C1QTNF12: variants seen among roughly 807,000 people sequenced by gnomAD.
C1QTNF12 encodes adipolin.
C1QTNF12 carries 39 observed loss-of-function variants against 34.3 expected under a neutral mutation model. The observed-to-expected ratio is 1.14, with a 90% CI of 0.88 to 1.49. The LOEUF (loss-of-function observed/expected upper bound fraction) is 1.49, where lower values mean the gene tolerates loss of function less well. Among genes scored for constraint, C1QTNF12 ranks in the 40% most tolerant of loss-of-function variants. The pLI is 0.00. For synonymous variants in C1QTNF12, 220 were observed against 196.9 expected (o/e 1.12, Z -0.98); for missense variants, 497 against 424.7 (o/e 1.17, Z -1.50).
rs201061850 is a variant in C1QTNF12 at position 1,244,436 on chromosome 1, C to G, written c.239G>C (p.Arg80Pro). The change falls in exon 2 of 8, where the codon CGG becomes CCG. Residue 80 changes from arginine to proline, a missense_variant. Physicochemically the swap from Arg to Pro is moderately radical, Grantham distance 103. Coordinates refer to ENST00000330388, the MANE Select transcript of C1QTNF12 (RefSeq NM_001014980.3). ...CCTTAAGGCGCCGTCGTCCGGCCGC[C>G]GGACAAAGTTCAGCCATGTCATGTG... Reference protein sequence around the residue: ...DAHMTWLNFVRRPDDGALRKR... With the variant: ...DAHMTWLNFVPRPDDGALRKR... 7 of 1,611,920 alleles carry G rather than the reference C, an allele frequency of 4.3e-6. No homozygotes were observed. The highest frequency in any genetic ancestry group is 2.2e-5 in the South Asian group (2 of 91,084).
At chr1:1,244,706 G>T (rs902111577) in intron 1 of C1QTNF12, 1 of 559,952 alleles carries the variant, frequency 1.8e-6, no homozygotes. Context: ...CACAGCCAGA[G>T]CCTGATGCCC....
In C1QTNF12 at chr1:1,244,251, G is replaced by A. The variant is rs1215309739; in HGVS notation, c.319C>T (p.Pro107Ser). ...TCCGCGGTCACTTCTGCACCTGGAG[G>A]TCCTGGGGGACCGAAGAGATCCCGC... Reference protein sequence around the residue: ...KPRDLFGPPGPPGAEVTAETL... With the variant: ...KPRDLFGPPGSPGAEVTAETL... Residue 107 changes from proline to serine, a missense_variant, in exon 3 of 8, where the codon CCT becomes TCT. Physicochemically the swap from Pro to Ser is moderately conservative, Grantham distance 74. Coordinates refer to ENST00000330388, the MANE Select transcript of C1QTNF12 (RefSeq NM_001014980.3). 2 of 1,596,660 alleles carry A rather than the reference G, an allele frequency of 1.3e-6. No individual in the cohort carries two copies. Among genetic ancestry groups the A allele is most frequent in the Non-Finnish European group, 1.7e-6 (2 of 1,171,228 alleles).
In C1QTNF12 at chr1:1,246,374, A is replaced by T; in HGVS notation, c.177+140T>A. On this transcript the variant is annotated intron_variant, in intron 1 of 7. Coordinates refer to ENST00000330388, the MANE Select transcript of C1QTNF12 (RefSeq NM_001014980.3). This position sits in a 1 kb window ranked among gnomAD's most constrained non-coding sequence, Gnocchi z 4.5. ...CTGGCTGGGCTGCAGCAGATTCTCA[A>T]GGCGGGACCGTGGCCGAGGCCTCGA... 1 of 669,000 alleles carries T rather than the reference A, an allele frequency of 1.5e-6. No individual in the cohort carries two copies. Among genetic ancestry groups the T allele is most frequent in the South Asian group, 8.0e-5 (1 of 12,492 alleles). The allele number at this position is 669,000 out of a possible 1,614,324, so 41.4% of individuals were successfully genotyped here. A position where few individuals can be genotyped will look rare whatever the true frequency, so the allele number is the denominator to read the frequency against.
intron 4 of C1QTNF12, 73 bp from the exon 5 acceptor site, chr1:1,243,625 G>A: frequency 7.9e-7 from 1 of 1,261,522 alleles, no homozygotes; most frequent in South Asian, 1.3e-5. Flanking sequence ...TGGGGAAGGT[G>A]CCTGCAACCG....
At position 1,246,313 on chromosome 1, in the gene C1QTNF12, C is replaced by T. The variant is rs1183362834; in HGVS notation, c.177+201G>A. Among the ~76,000 whole-genome samples, 4 of 152,182 alleles carry T rather than the reference C, an allele frequency of 2.6e-5. No homozygotes were observed. The highest frequency in any genetic ancestry group is 4.4e-5 in the Non-Finnish European group (3 of 68,020). ...CCAGGCCAGCTGGGGGCCAGGTCTC[C>T]GCTGCAGAGGAGGAGAGGGCTTCCC... On this transcript the variant is annotated intron_variant, in intron 1 of 7. Transcript: ENST00000330388. This position sits in a 1 kb window ranked among gnomAD's most constrained non-coding sequence, Gnocchi z 4.5.
In C1QTNF12 at chr1:1,243,703, C is replaced by T. The variant is rs1265829172; in HGVS notation, c.532-151G>A. Reference sequence around the variant, plus strand: ...CACTGTGGGCACCAGCAGGACTGACCCTCGAGTCCACACCCAGGAGGGTCT... The same window carrying T: ...CACTGTGGGCACCAGCAGGACTGACTCTCGAGTCCACACCCAGGAGGGTCT... On this transcript the variant is annotated intron_variant, in intron 4 of 7. Transcript: ENST00000330388. 3.7e-6 allele frequency: 3 copies of T among 805,864 alleles called. No individual in the cohort carries two copies. In the East Asian group the frequency reaches 8.1e-5, roughly 22 times the overall value. The allele number at this position is 805,864 out of a possible 1,614,324, so 49.9% of individuals were successfully genotyped here.
rs769971742 is a variant in C1QTNF12, at chr1:1,244,372, G to A, written c.294+9C>T. On this transcript the variant is annotated intron_variant, in intron 2 of 7. Coordinates refer to ENST00000330388, the MANE Select transcript of C1QTNF12 (RefSeq NM_001014980.3). ...GCTCAGACCCTGCAGCAGCCCGGGC[G>A]GGGCTCACCGGCTTCTTGTCCCTGC... The A allele has an allele frequency of 5.7e-5, 91 of 1,609,560 alleles. No homozygotes were observed. The highest frequency in any genetic ancestry group is 6.5e-5 in the Non-Finnish European group (76 of 1,177,682).
chr1:1,243,542 TG>T lies in C1QTNF12; in HGVS notation c.541del (p.Gln181LysfsTer10). On this transcript the variant is annotated frameshift_variant, in exon 5 of 8. Coordinates refer to ENST00000330388, the MANE Select transcript of C1QTNF12 (RefSeq NM_001014980.3). LOFTEE classifies it high-confidence loss of function. ...ACCGGAGCCTCGCAGGAAGGCACCT[TG>T]GGCAGCAGGCTGTGAGGGGCAGTGG... ...ELHGFQAPAA[Q>X]GAFLRGSGLS... The T allele has an allele frequency of 6.4e-7, 1 of 1,551,646 alleles. No individual in the cohort carries two copies. The highest frequency in any genetic ancestry group is 8.7e-7 in the Non-Finnish European group (1 of 1,147,540).
At chr1:1,243,928 C>T (rs755101817) in intron 4 of C1QTNF12, 26 bp downstream of exon 4, 8 of 1,594,686 alleles carry the variant, frequency 5.0e-6, no homozygotes, top group African/African-American at 2.7e-5. Context: ...CCCAACACCC[C>T]GCTCTAAGCT....
upstream of C1QTNF12, among the ~76,000 whole-genome samples, chr1:1,247,276 C>G (rs922208180): frequency 1.7e-4 from 26 of 152,232 alleles, no homozygotes; most frequent in Non-Finnish European, 3.1e-4. Flanking sequence ...AGCCCCTTCC[C>G]ACGACCTCCT....
Position 1,246,187 on chromosome 1 carries a change from A to G in C1QTNF12, c.177+327T>C, listed in dbSNP as rs1333953688. On this transcript the variant is annotated intron_variant, in intron 1 of 7. Transcript: ENST00000330388. The surrounding 1 kb of genome is among the most constrained non-coding windows in gnomAD (Gnocchi z 4.5). ...CCCCACCCCCGCCCCCAAATCAGCA[A>G]TTAACCTAATAGCAACAGGTTCCTC... Among the ~76,000 whole-genome samples the G allele has an allele frequency of 7.3e-6, 1 of 136,194 alleles. No homozygotes were observed. The highest frequency in any genetic ancestry group is 1.6e-5 in the Non-Finnish European group (1 of 63,684). 89.3% of individuals were successfully genotyped at this position (136,194 alleles called of 152,430 possible). A position where few individuals can be genotyped will look rare whatever the true frequency, so the allele number is the denominator to read the frequency against.
At chr1:1,243,920 C>G in intron 4 of C1QTNF12, 34 bp downstream of exon 4, 1 of 1,587,610 alleles carries the variant, frequency 6.3e-7, no homozygotes, top group South Asian at 1.1e-5. Context: ...GGGCCCCACC[C>G]AACACCCCGC....
chr1:1,244,354 C>A (rs777982342), intron 2 of C1QTNF12, 27 bp downstream of exon 2: 2 of 1,606,560 alleles, frequency 1.2e-6, no homozygotes, highest in Non-Finnish European at 8.5e-7. Flanking sequence ...GGGGCTCAGA[C>A]CCTGCAGCAG....
intron 1 of C1QTNF12, chr1:1,244,716 C>G: frequency 1.8e-6 from 1 of 547,896 alleles, no homozygotes; most frequent in Non-Finnish European, 3.3e-6. Flanking sequence ...GCCTGATGCC[C>G]TGAGCCCCTC....
upstream of C1QTNF12, chr1:1,246,752 G>A (rs1045879429): frequency 4.3e-6 from 5 of 1,174,858 alleles, no homozygotes; most frequent in Admixed American, 4.4e-5. The surrounding 1 kb of genome is among the most constrained non-coding windows in gnomAD (Gnocchi z 4.5). Flanking sequence ...TCATGGGGAC[G>A]GCCGGCGCTC....
At chr1:1,245,873 C>T (rs966827563) in intron 1 of C1QTNF12, among the ~76,000 whole-genome samples, 1 of 152,212 alleles carries the variant, frequency 6.6e-6, no homozygotes, top group Non-Finnish European at 1.5e-5. Context: ...CCTCCCAGTC[C>T]TGGGGCCCAC....
chr1:1,242,604 C>A lies in C1QTNF12; in HGVS notation c.853G>T (p.Ala285Ser). 6.3e-7 allele frequency: 1 copy of A among 1,594,780 alleles called. No individual in the cohort carries two copies. Among genetic ancestry groups the A allele is most frequent in the Non-Finnish European group, 8.5e-7 (1 of 1,171,120 alleles). Residue 285 changes from alanine to serine, a missense_variant, in exon 8 of 8, where the codon GCC (alanine) becomes TCC (serine). Transcript: ENST00000330388. Reference protein sequence around the residue: ...ASVFVDNGSGAVLTIQAGSSF... With the variant: ...ASVFVDNGSGSVLTIQAGSSF... ...GAGCCCGCCTGGATGGTGAGGACGG[C>A]CCCGGAGCCATTGTCCACAAACACA...
Position 1,244,400 on chromosome 1 carries a change from C to G in C1QTNF12, c.275G>C (p.Gly92Ala), listed in dbSNP as rs1246385957. The G allele has an allele frequency of 6.2e-7, 1 of 1,611,678 alleles. No individual in the cohort carries two copies. Among genetic ancestry groups the G allele is most frequent in the Non-Finnish European group, 8.5e-7 (1 of 1,179,472 alleles). ...GCTCACCGGCTTCTTGTCCCTGCTT[C>G]CGCACCGCTTCCTTAAGGCGCCGTC... is the stretch of plus-strand genomic sequence containing the variant. Reference protein sequence around the residue: ...PDDGALRKRCGSRDKKPRDLF... With the variant: ...PDDGALRKRCASRDKKPRDLF... The change falls in exon 2 of 8, where the codon GGA becomes GCA. Residue 92 changes from glycine to alanine, a missense_variant. Gly to Ala is a moderately conservative substitution (Grantham distance 60). Coordinates refer to ENST00000330388, the MANE Select transcript of C1QTNF12 (RefSeq NM_001014980.3).
rs1396371480 is a variant in C1QTNF12, at chr1:1,242,614, A to G, written c.843T>C (p.Asn281=). 1 of 1,595,892 alleles carries G rather than the reference A, an allele frequency of 6.3e-7. No individual in the cohort carries two copies. Among genetic ancestry groups the G allele is most frequent in the African/African-American group, 1.3e-5 (1 of 74,668 alleles). ...GGATGGTGAGGACGGCCCCGGAGCC[A>G]TTGTCCACAAACACAGAAGCGTACT... ...AGQYASVFVD[N]GSGAVLTIQA... is the part of the protein sequence containing the mutation. Residue 281 remains asparagine (N), a synonymous_variant, in exon 8 of 8, where the codon AAT becomes AAC. Coordinates refer to ENST00000330388, the MANE Select transcript of C1QTNF12 (RefSeq NM_001014980.3).
Sources: gnomAD v4.1 joint callset for allele counts (sites outside exome capture counted in the v4.1 genomes callset) on GRCh38, gnomAD v4.1.1 for gene constraint, Gnocchi (gnomAD v3.1) non-coding constraint, MANE v1.5 for transcripts, NCBI Gene and HGNC (gene_info 2026-07-23, HGNC 2026-07-21) for gene names.